Variants in IMPG1 observed in about 807,000 individuals in gnomAD.
IMPG1 encodes interphotoreceptor matrix proteoglycan 1, also known as interphotoreceptor matrix proteoglycan of 150 kDa.
A neutral mutation model predicts 92.0 loss-of-function variants in IMPG1; 85 were observed. The ratio of observed to expected loss-of-function variants is 0.92; its 90% CI spans 0.78 to 1.11. The LOEUF is 1.11. Among genes scored for constraint, IMPG1 ranks in the 50% least tolerant of loss-of-function variants. IMPG1 has a pLI of 0.00. For synonymous variants in IMPG1, 367 were observed against 334.1 expected (o/e 1.10, Z -1.08); for missense variants, 1,022 against 956.0 (o/e 1.07, Z -0.91).
At chr6:75,998,518 T>C (rs1425743019) in intron 12 of IMPG1, among the ~76,000 whole-genome samples, 3 of 152,238 alleles carry the variant, frequency 2.0e-5, no homozygotes, top group Non-Finnish European at 2.9e-5. Context: ...GACAAAGCAA[T>C]GTCCAATAGT....
At chr6:76,002,380 A>G (rs1364532746) in intron 12 of IMPG1, among the ~76,000 whole-genome samples, 1 of 152,252 alleles carries the variant, frequency 6.6e-6, no homozygotes, top group Non-Finnish European at 1.5e-5. Context: ...GTGAATCACT[A>G]AGACTTCAGT....
intron 12 of IMPG1, among the ~76,000 whole-genome samples, chr6:75,951,479 A>G (rs1782030430): frequency 6.6e-6 from 1 of 152,224 alleles, no homozygotes; most frequent in South Asian, 2.1e-4. Context: ...GCATTGGAAC[A>G]GATTTAGATC....
intron 1 of IMPG1, among the ~76,000 whole-genome samples, chr6:76,062,633 A>C (rs1310872478): frequency 6.6e-6 from 1 of 152,192 alleles, no homozygotes; most frequent in Admixed American, 6.6e-5. Context: ...CGTTATGCTT[A>C]CCAGCTAGTT....
At chr6:76,040,017 GTC>G (rs1783807413) in intron 2 of IMPG1, among the ~76,000 whole-genome samples, 1 of 152,162 alleles carries the variant, frequency 6.6e-6, no homozygotes, top group African/African-American at 2.4e-5. Context: ...CAGTAAGTGG[GTC>G]TCTCTGTCAG....
At chr6:76,045,553 A>G (rs762502434) in intron 1 of IMPG1, among the ~76,000 whole-genome samples, 2 of 149,626 alleles carry the variant, frequency 1.3e-5, no homozygotes, top group Non-Finnish European at 1.5e-5. Context: ...CTACAGCTTG[A>G]GCTGGGATTA....
chr6:75,984,190 A>G (rs953639870), intron 12 of IMPG1, among the ~76,000 whole-genome samples: 1 of 152,256 alleles, frequency 6.6e-6, no homozygotes, highest in African/African-American at 2.4e-5. Context: ...TAGAACTACT[A>G]TGTTATTCAG....
At chr6:76,068,733 T>C (rs1582142716) in intron 1 of IMPG1, among the ~76,000 whole-genome samples, 1 of 152,010 alleles carries the variant, frequency 6.6e-6, no homozygotes, top group East Asian at 1.9e-4. Context: ...GCCAGGCTGG[T>C]CTTGAACTTC....
At chr6:75,964,945 G>C (rs1045804124) in intron 12 of IMPG1, among the ~76,000 whole-genome samples, 1 of 152,066 alleles carries the variant, frequency 6.6e-6, no homozygotes. Context: ...TTTCAAGGAT[G>C]TTATATAAAT....
rs752856075 is a variant in IMPG1 at position 75,950,621 on chromosome 6, C to T, written c.1765G>A (p.Asp589Asn). 32 of 1,613,526 alleles carry T rather than the reference C, an allele frequency of 2.0e-5. No individual in the cohort carries two copies. Among genetic ancestry groups the T allele is most frequent in the African/African-American group, 4.0e-5 (3 of 74,910 alleles). ...LRVANMAFSN[D>N]LFNKSSLEYR... ...TCCAGAGAGCTCTTGTTGAACAGGT[C>T]GTTGGAGAAGGCCATGTTAGCAACA... Residue 589 changes from aspartate to asparagine, a missense_variant, in exon 13 of 17, where the codon GAC becomes AAC. By Grantham distance (23) the Asp-to-Asn change is conservative. This residue lies in a region of IMPG1 where 332 missense variants were observed against 346.2 expected (regional missense o/e 0.96). Transcript: ENST00000369950.
intron 14 of IMPG1, among the ~76,000 whole-genome samples, chr6:75,937,605 A>G (rs1781768740): frequency 6.6e-6 from 1 of 152,210 alleles, no homozygotes; most frequent in Non-Finnish European, 1.5e-5. Flanking sequence ...TACCTTGCAT[A>G]TTTATTAAGA....
chr6:75,963,351 G>T (rs929168420), intron 12 of IMPG1, among the ~76,000 whole-genome samples: 2 of 152,186 alleles, frequency 1.3e-5, no homozygotes, highest in African/African-American at 2.4e-5. Context: ...TGAGTTAAAA[G>T]ACATTGTTTT....
intron 1 of IMPG1, among the ~76,000 whole-genome samples, chr6:76,043,337 A>G (rs1019807603): frequency 2.0e-5 from 3 of 152,124 alleles, no homozygotes; most frequent in South Asian, 4.1e-4. Context: ...CTGAAATGTG[A>G]TAAAAGGGGA....
chr6:76,004,681 T>C (rs553946358), intron 10 of IMPG1, among the ~76,000 whole-genome samples: 48 of 152,188 alleles, frequency 3.2e-4, no homozygotes, highest in Non-Finnish European at 5.7e-4. Context: ...AGATCCACTC[T>C]CCCCTCCCCT....
intron 9 of IMPG1, among the ~76,000 whole-genome samples, chr6:76,007,121 G>A (rs1005534919): frequency 1.3e-5 from 2 of 152,122 alleles, no homozygotes; most frequent in Non-Finnish European, 2.9e-5. Context: ...TTGATTCCAT[G>A]TATGTGTGTG....
At chr6:76,042,304 G>A (rs1018231916) in intron 1 of IMPG1, among the ~76,000 whole-genome samples, 178 bp from the exon 2 acceptor site, 3 of 152,014 alleles carry the variant, frequency 2.0e-5, no homozygotes, top group African/African-American at 7.3e-5. Context: ...AGAAATAAGA[G>A]AATAGTATAA....
At chr6:75,924,466 TA>T (rs1227910767) in intron 15 of IMPG1, among the ~76,000 whole-genome samples, 7 of 93,242 alleles carry the variant, frequency 7.5e-5, no homozygotes, top group African/African-American at 2.9e-4. Flanking sequence ...TTATATAATA[TA>T]AATATAATTA....
chr6:75,923,498 C>A lies in IMPG1; in HGVS notation c.2316+136G>T, dbSNP rs1043693989. The A allele has an allele frequency of 1.6e-5, 10 of 615,174 alleles. No homozygotes were observed. The East Asian group carries it at 2.0e-4, about 13-fold the overall frequency. 38.1% of individuals were successfully genotyped at this position (615,174 alleles called of 1,614,324 possible). ...TCTATCCTTGCACTAGAAAATGTCA[C>A]CCCCTTAAAACAGTAAATTAAAAAT... On this transcript the variant is annotated intron_variant, in intron 16 of 16. Transcript: ENST00000369950.
intron 15 of IMPG1, among the ~76,000 whole-genome samples, chr6:75,927,854 A>G (rs999523632): frequency 6.7e-6 from 1 of 149,024 alleles, no homozygotes; most frequent in Non-Finnish European, 1.5e-5. Flanking sequence ...TCAATTTTTC[A>G]ATGTATTTGA....
chr6:76,067,087 T>C (rs1039101496), intron 1 of IMPG1, among the ~76,000 whole-genome samples: 1 of 151,782 alleles, frequency 6.6e-6, no homozygotes, highest in Non-Finnish European at 1.5e-5. Context: ...CATGAAAAGA[T>C]AGAAAGATCA....
Sources: gnomAD v4.1 joint callset for allele counts (sites outside exome capture counted in the v4.1 genomes callset) on GRCh38, gnomAD v4.1.1 for gene constraint, gnomAD v4.1.1 regional missense constraint, MANE v1.5 for transcripts, NCBI Gene and HGNC (gene_info 2026-07-23, HGNC 2026-07-21) for gene names.